ERBB4: variants seen among roughly 807,000 people sequenced by gnomAD.
The protein encoded by ERBB4 is erb-b2 receptor tyrosine kinase 4.
Under a neutral mutation model 158.0 loss-of-function variants are expected in ERBB4, and 42 were observed. The observed-to-expected ratio is 0.27, with a 90% confidence interval of 0.21 to 0.34. The LOEUF (loss-of-function observed/expected upper bound fraction) is 0.34, where lower values mean the gene tolerates loss of function less well. Among genes scored for constraint, ERBB4 ranks in the 10% least tolerant of loss-of-function variants. The pLI is 1.00. For missense variants in ERBB4, 1,333 were observed against 1,624.1 expected, an observed-to-expected ratio of 0.82 and a Z score of 3.08; for synonymous variants, 583 against 558.7, an observed-to-expected ratio of 1.04 and a Z score of -0.61.
At chr2:212,532,399 A>C (rs1241175017) in intron 1 of ERBB4, among the ~76,000 whole-genome samples, 2 of 152,204 alleles carry the variant, frequency 1.3e-5, no homozygotes, top group East Asian at 3.8e-4. Flanking sequence ...TTACCCTTTC[A>C]GCTGTTTTAG....
At chr2:211,900,926 A>G (rs541214285) in intron 3 of ERBB4, among the ~76,000 whole-genome samples, 3 of 152,272 alleles carry the variant, frequency 2.0e-5, no homozygotes, top group African/African-American at 7.2e-5. Flanking sequence ...TCAATATCAT[A>G]TATTAGGATT....
At chr2:211,656,484 G>A (rs1366330056) in intron 16 of ERBB4, among the ~76,000 whole-genome samples, 2 of 152,158 alleles carry the variant, frequency 1.3e-5, no homozygotes, top group African/African-American at 2.4e-5. Context: ...TATTTTAAAA[G>A]TCAGGTTGAT....
intron 1 of ERBB4, among the ~76,000 whole-genome samples, chr2:212,278,374 T>C (rs992288791): frequency 6.6e-6 from 1 of 151,718 alleles, no homozygotes; most frequent in Non-Finnish European, 1.5e-5. Context: ...CATAATTGAA[T>C]TTATACTTCC....
intron 25 of ERBB4, among the ~76,000 whole-genome samples, chr2:211,413,706 T>C (rs1559142722): frequency 1.3e-5 from 2 of 152,054 alleles, no homozygotes; most frequent in African/African-American, 2.4e-5. Context: ...AAAAAAGTTA[T>C]GCATAGAGGC....
At chr2:211,738,287 T>A (rs1047018219) in intron 5 of ERBB4, among the ~76,000 whole-genome samples, 1 of 152,102 alleles carries the variant, frequency 6.6e-6, no homozygotes, top group South Asian at 2.1e-4. Context: ...CAATTCTTTT[T>A]AATTAAAATT....
chr2:211,912,108 G>T (rs552957292), intron 3 of ERBB4, among the ~76,000 whole-genome samples: 2 of 152,228 alleles, frequency 1.3e-5, no homozygotes, highest in South Asian at 2.1e-4. Flanking sequence ...AGGCAGTAAG[G>T]CAAATGGGTA....
intron 20 of ERBB4, among the ~76,000 whole-genome samples, chr2:211,527,403 C>T (rs368134780): frequency 1.3e-5 from 2 of 152,012 alleles, no homozygotes; most frequent in East Asian, 1.9e-4. Context: ...CAAACAAAAG[C>T]TGAAAAGTGT....
At chr2:212,279,804 G>T (rs1479140287) in intron 1 of ERBB4, among the ~76,000 whole-genome samples, 1 of 151,454 alleles carries the variant, frequency 6.6e-6, no homozygotes, top group African/African-American at 2.4e-5. Flanking sequence ...TGAATGTATA[G>T]GTCATTGGTT....
intron 3 of ERBB4, among the ~76,000 whole-genome samples, chr2:211,889,662 A>C (rs2078910966): frequency 6.9e-6 from 1 of 144,616 alleles, no homozygotes; most frequent in South Asian, 2.1e-4. Flanking sequence ...CTTTGAAAAA[A>C]ATTTAGAAGA....
chr2:211,541,094 CG>C (rs2066797144), intron 20 of ERBB4, among the ~76,000 whole-genome samples: 2 of 151,728 alleles, frequency 1.3e-5, no homozygotes, highest in African/African-American at 4.8e-5. Context: ...ATTTCCTTTT[CG>C]GGGGAAAAGG....
At chr2:211,958,270 G>A (rs989669658) in intron 2 of ERBB4, among the ~76,000 whole-genome samples, 1 of 151,970 alleles carries the variant, frequency 6.6e-6, no homozygotes. Context: ...TCAAACATAC[G>A]CAATAGGCAT....
At chr2:212,477,260 G>A (rs1689451066) in intron 1 of ERBB4, among the ~76,000 whole-genome samples, 1 of 152,050 alleles carries the variant, frequency 6.6e-6, no homozygotes, top group African/African-American at 2.4e-5. Context: ...GTGTCTGTCA[G>A]GCAGTTTTAC....
intron 1 of ERBB4, among the ~76,000 whole-genome samples, chr2:212,294,957 T>C (rs905863247): frequency 6.6e-6 from 1 of 152,096 alleles, no homozygotes; most frequent in African/African-American, 2.4e-5. Flanking sequence ...CTTTGCCATA[T>C]TACCTACTGA....
intron 1 of ERBB4, among the ~76,000 whole-genome samples, chr2:212,404,158 G>A (rs1435899002): frequency 1.3e-5 from 2 of 152,006 alleles, no homozygotes; most frequent in African/African-American, 4.8e-5. Context: ...TAAAGTGGAA[G>A]TGAAAACTAT....
intron 16 of ERBB4, among the ~76,000 whole-genome samples, chr2:211,636,405 C>A (rs1339977570): frequency 6.6e-6 from 1 of 151,958 alleles, no homozygotes; most frequent in East Asian, 1.9e-4. Flanking sequence ...CAAATACATT[C>A]TTTACCTAAG....
At chr2:211,897,506 A>G (rs552991553) in intron 3 of ERBB4, among the ~76,000 whole-genome samples, 141 of 151,838 alleles carry the variant, frequency 9.3e-4, no homozygotes, top group African/African-American at 3.3e-3. Flanking sequence ...TGGGAACATG[A>G]AAGCAGACGT....
chr2:211,525,468 G>A (rs992630366), intron 20 of ERBB4, among the ~76,000 whole-genome samples: 1 of 152,130 alleles, frequency 6.6e-6, no homozygotes, highest in Non-Finnish European at 1.5e-5. Flanking sequence ...GTCTTGAAAG[G>A]AAAGACCTAG....
At position 211,852,949 on chromosome 2, in the gene ERBB4, T is replaced by C. The variant is rs149409354; in HGVS notation, c.422-64790A>G. On this transcript the variant is annotated intron_variant, in intron 3 of 27. Transcript: ENST00000342788. Reference sequence around the variant, plus strand: ...AGATATCATCACCTCTGGCATACTATCTTAACTTCCTAAATTTTTCATGTG... The same window carrying C: ...AGATATCATCACCTCTGGCATACTACCTTAACTTCCTAAATTTTTCATGTG... Among the ~76,000 whole-genome samples the C allele has an allele frequency of 9.1e-4, 138 of 152,096 alleles. 1 individual carries two copies. Among genetic ancestry groups the C allele is most frequent in the African/African-American group, 3.1e-3 (127 of 41,546 alleles).
rs1476386458 is a variant in ERBB4 at position 211,725,122 on chromosome 2, C to T, written c.695G>A (p.Arg232Gln). 13 of 1,613,904 alleles carry T rather than the reference C, an allele frequency of 8.1e-6. No homozygotes were observed. Among genetic ancestry groups the T allele is most frequent in the African/African-American group, 2.7e-5 (2 of 74,862 alleles). ...YGPYVSDCCH[R>Q]ECAGGCSGPK... ...TCCTGAGCAGCCTCCAGCACATTCT[C>T]GATGGCAGCAGTCACTGACGTAAGG... The change falls in exon 6 of 28, where the codon CGA becomes CAA. Residue 232 changes from arginine to glutamine, a missense_variant. This residue lies in a region of ERBB4 where 438 missense variants were observed against 586.9 expected (regional missense o/e 0.75). Transcript: ENST00000342788.
Sources: gnomAD v4.1 joint callset for allele counts (sites outside exome capture counted in the v4.1 genomes callset) on GRCh38, gnomAD v4.1.1 for gene constraint, gnomAD v4.1.1 regional missense constraint, MANE v1.5 for transcripts, NCBI Gene and HGNC (gene_info 2026-07-23, HGNC 2026-07-21) for gene names.